Variants in MCPH1 observed in about 807,000 individuals in gnomAD.
MCPH1 encodes microcephalin.
Under a neutral mutation model 84.5 loss-of-function variants are expected in MCPH1, and 104 were observed. That is an observed-to-expected ratio of 1.23 (90% confidence interval 1.05 to 1.45). The LOEUF (loss-of-function observed/expected upper bound fraction) is 1.45, where lower values mean the gene tolerates loss of function less well. Ranked by LOEUF, MCPH1 falls within the 40% of genes most tolerant of loss-of-function variation. The pLI is 0.00. For synonymous variants in MCPH1, 514 were observed against 366.8 expected (o/e 1.40, Z -4.58); for missense variants, 1,498 against 1,005.7 (o/e 1.49, Z -6.62).
intron 11 of MCPH1, among the ~76,000 whole-genome samples, chr8:6,486,920 C>G (rs1809998523): frequency 6.6e-6 from 1 of 152,210 alleles, no homozygotes; most frequent in African/African-American, 2.4e-5. Context: ...GATTCCTGCA[C>G]TTTCCTGTGA....
intron 9 of MCPH1, among the ~76,000 whole-genome samples, chr8:6,466,433 G>C (rs892752615): frequency 6.6e-6 from 1 of 151,870 alleles, no homozygotes; most frequent in East Asian, 1.9e-4. Flanking sequence ...TCAACCTCCT[G>C]GGTAGCTGGG....
In MCPH1 at chr8:6,425,256, T is replaced by G. The variant is rs936528921; in HGVS notation, c.234-6243T>G. Among the ~76,000 whole-genome samples the G allele has an allele frequency of 1.4e-4, 21 of 152,370 alleles. No homozygotes were observed. The East Asian group carries it at 3.7e-3, about 27-fold the overall frequency. On this transcript the variant is annotated intron_variant, in intron 3 of 13. Transcript: ENST00000344683. The stretch of plus-strand genomic sequence containing the variant: ...CAGGTCAAATAGTTGGTTCTCTGTT[T>G]AGAGACATCTCTTGAAACACTTTTC...
At position 6,417,696 on chromosome 8, in the gene MCPH1, T is replaced by A. The variant is rs181586812; in HGVS notation, c.233+2813T>A. Among the ~76,000 whole-genome samples the A allele has an allele frequency of 3.9e-5, 6 of 152,364 alleles. No homozygotes were observed. In the East Asian group the frequency reaches 1.2e-3, roughly 29 times the overall value. ...CATGTGAGATTTCTCACCTTTGGTT[T>A]TCCTGTCTTCGGTTATGAGTGTATT... On this transcript the variant is annotated intron_variant, in intron 3 of 13. Transcript: ENST00000344683.
At chr8:6,431,704 T>G (rs1801867152) in intron 4 of MCPH1, 118 bp downstream of exon 4, 3 of 680,120 alleles carry the variant, frequency 4.4e-6, no homozygotes, top group Non-Finnish European at 5.0e-6. Context: ...AATATGCTAT[T>G]GATGATATTG....
chr8:6,609,467 A>G (rs1419157323), intron 12 of MCPH1, among the ~76,000 whole-genome samples: 1 of 152,244 alleles, frequency 6.6e-6, no homozygotes. Context: ...AAAAGAAAAA[A>G]ACCTCAAATG....
At chr8:6,527,056 G>T (rs911419850) in intron 12 of MCPH1, among the ~76,000 whole-genome samples, 6 of 152,314 alleles carry the variant, frequency 3.9e-5, no homozygotes, top group Non-Finnish European at 8.8e-5. Context: ...ACCATTCTGC[G>T]TTGAGTGAAG....
intron 12 of MCPH1, among the ~76,000 whole-genome samples, chr8:6,557,091 C>G (rs529522619): frequency 1.3e-5 from 2 of 152,294 alleles, no homozygotes; most frequent in African/African-American, 4.8e-5. Flanking sequence ...AGAAATAACG[C>G]ACTTCTGCCC....
At chr8:6,601,700 C>G (rs10097968) in intron 12 of MCPH1, among the ~76,000 whole-genome samples, 1,946 of 139,354 alleles carry the variant, frequency 0.014, 194 homozygotes, top group African/African-American at 0.06. Flanking sequence ...GCATACCACA[C>G]ACAACACACA....
intron 12 of MCPH1, among the ~76,000 whole-genome samples, chr8:6,601,424 G>A (rs918332607): frequency 2.0e-5 from 3 of 151,638 alleles, no homozygotes; most frequent in African/African-American, 7.3e-5. Flanking sequence ...CCTAATACCG[G>A]CTGCCCGTAC....
intron 3 of MCPH1, among the ~76,000 whole-genome samples, chr8:6,427,507 G>GA (rs1801227624): frequency 6.6e-6 from 1 of 152,056 alleles, no homozygotes; most frequent in Non-Finnish European, 1.5e-5. Context: ...GAGGAGCTGG[G>GA]ACTACAGGCG....
Position 6,429,635 on chromosome 8 carries a change from G to T in MCPH1, c.234-1864G>T, listed in dbSNP as rs542247040. ...TTTCCTTTACTATCATTTTATTGGG[G>T]TTTTGGGGGTCAAGAGAAAAGCATG... On this transcript the variant is annotated intron_variant, in intron 3 of 13. Transcript: ENST00000344683. Among the ~76,000 whole-genome samples, 8 of 151,996 alleles carry T rather than the reference G, an allele frequency of 5.3e-5. No individual in the cohort carries two copies. The East Asian group carries it at 1.5e-3, about 29-fold the overall frequency.
At chr8:6,575,558 T>G (rs960015275) in intron 12 of MCPH1, among the ~76,000 whole-genome samples, 1 of 152,214 alleles carries the variant, frequency 6.6e-6, no homozygotes, top group African/African-American at 2.4e-5. Context: ...AGCATGCAAC[T>G]CTTCATAAAT....
chr8:6,499,971 G>C (rs754275751), intron 12 of MCPH1, 42 bp downstream of exon 12: 6 of 1,536,178 alleles, frequency 3.9e-6, no homozygotes, highest in African/African-American at 2.7e-5. Flanking sequence ...GCAGTTTGCT[G>C]TTCTCAAGAA....
intron 12 of MCPH1, among the ~76,000 whole-genome samples, chr8:6,571,334 C>A (rs1233653806): frequency 6.6e-6 from 1 of 152,098 alleles, no homozygotes; most frequent in Non-Finnish European, 1.5e-5. Context: ...TAAAGTATTT[C>A]CTTTGACAAA....
chr8:6,413,047 C>T (rs910177499), intron 2 of MCPH1, among the ~76,000 whole-genome samples: 1 of 152,134 alleles, frequency 6.6e-6, no homozygotes, highest in Non-Finnish European at 1.5e-5. Context: ...TAATTGAATG[C>T]TATAAAAATT....
intron 12 of MCPH1, chr8:6,562,834 T>C: frequency 6.2e-7 from 1 of 1,613,522 alleles, no homozygotes; most frequent in Non-Finnish European, 8.5e-7. Context: ...CTGGACCTGA[T>C]ATTGCTTCTT....
Position 6,646,498 on chromosome 8 carries a change from C to G in MCPH1, c.*3449C>G, listed in dbSNP as rs923128261. 2.0e-5 allele frequency: 3 copies of G among 152,070 alleles called. No individual in the cohort carries two copies. The highest frequency in any genetic ancestry group is 7.2e-5 in the African/African-American group (3 of 41,418). 9.4% of individuals were successfully genotyped at this position (152,070 alleles called of 1,614,324 possible). On this transcript the variant is annotated 3_prime_UTR_variant, in exon 14 of 14. Coordinates refer to ENST00000344683, the MANE Select transcript of MCPH1 (RefSeq NM_024596.5). ...TTTGAACAAAGGTGACGAGGCAAGT[C>G]AGTATAGCAGCATATTCTTTTCAAC...
At chr8:6,534,363 A>G (rs1178039254) in intron 12 of MCPH1, among the ~76,000 whole-genome samples, 3 of 152,204 alleles carry the variant, frequency 2.0e-5, no homozygotes, top group Admixed American at 2.0e-4. Context: ...ATGCAGATCT[A>G]CCCTGTTTTA....
intron 12 of MCPH1, among the ~76,000 whole-genome samples, chr8:6,590,741 C>T (rs1828393767): frequency 6.6e-6 from 1 of 152,138 alleles, no homozygotes; most frequent in Non-Finnish European, 1.5e-5. Context: ...TTGCAGTAAC[C>T]CTAGGGTAGG....
Sources: allele counts gnomAD v4.1 joint callset (sites outside exome capture counted in the v4.1 genomes callset), GRCh38; gene constraint gnomAD v4.1.1; transcripts MANE v1.5; gene names NCBI Gene and HGNC (gene_info 2026-07-23, HGNC 2026-07-21).